EPS8L3: variants seen among roughly 807,000 people sequenced by gnomAD.
The protein encoded by EPS8L3 is epidermal growth factor receptor kinase substrate 8-like protein 3.
Under a neutral mutation model 88.5 loss-of-function variants are expected in EPS8L3, and 80 were observed. The ratio of observed to expected loss-of-function variants is 0.90; its 90% CI spans 0.75 to 1.09. EPS8L3 has a LOEUF of 1.09. EPS8L3 is among the 50% of genes least tolerant of loss of function. The pLI is 0.00. For synonymous variants in EPS8L3, 286 were observed against 291.0 expected, an observed-to-expected ratio of 0.98 and a Z score of 0.18; for missense variants, 721 against 735.2, an observed-to-expected ratio of 0.98 and a Z score of 0.22.
At chr1:109,762,909 G>C (rs1386353486) in intron 1 of EPS8L3, among the ~76,000 whole-genome samples, 1 of 152,220 alleles carries the variant, frequency 6.6e-6, no homozygotes, top group Non-Finnish European at 1.5e-5. Context: ...CATACATGTT[G>C]AAATGGAGTG....
chr1:109,762,006 G>A (rs1233857903), intron 1 of EPS8L3, among the ~76,000 whole-genome samples: 1 of 152,154 alleles, frequency 6.6e-6, no homozygotes, highest in African/African-American at 2.4e-5. Context: ...GGGTCAGGGA[G>A]GCCACAGCAT....
At chr1:109,762,259 C>T (rs891868527) in intron 1 of EPS8L3, among the ~76,000 whole-genome samples, 1 of 152,120 alleles carries the variant, frequency 6.6e-6, no homozygotes, top group African/African-American at 2.4e-5. Context: ...CAGCTGTAGA[C>T]CCTCTGGGAA....
chr1:109,751,023 G>A (rs1438635411), intron 17 of EPS8L3, among the ~76,000 whole-genome samples: 1 of 152,170 alleles, frequency 6.6e-6, no homozygotes, highest in Non-Finnish European at 1.5e-5. Flanking sequence ...GGGGAGGGGC[G>A]GCTAAGCTGG....
chr1:109,759,026 G>A lies in EPS8L3; in HGVS notation c.461+36C>T, dbSNP rs1194381302. ...GGTCTGGCCCCCGAGGCTGAGCTGG[G>A]AGGCCCCATAGGTGGGCTGGGCAGA... On this transcript the variant is annotated intron_variant, in intron 6 of 18. Coordinates refer to ENST00000361965, the MANE Select transcript of EPS8L3 (RefSeq NM_133181.4). This position sits in a 1 kb window ranked among gnomAD's most constrained non-coding sequence, Gnocchi z 4.2. 2 of 1,573,734 alleles carry A rather than the reference G, an allele frequency of 1.3e-6. No individual in the cohort carries two copies. Among genetic ancestry groups the A allele is most frequent in the Non-Finnish European group, 1.7e-6 (2 of 1,158,888 alleles).
chr1:109,762,446 G>A (rs1232156228), intron 1 of EPS8L3, among the ~76,000 whole-genome samples: 1 of 152,036 alleles, frequency 6.6e-6, no homozygotes, highest in Non-Finnish European at 1.5e-5. Flanking sequence ...TCACCCTCTT[G>A]GTGAAGCCCT....
rs1651008494 is a variant in EPS8L3, at chr1:109,761,877, G to A, written c.-24-104C>T. 1.3e-5 allele frequency: 13 copies of A among 1,012,774 alleles called. No individual in the cohort carries two copies. The South Asian group carries it at 1.8e-4, about 14-fold the overall frequency. 62.7% of individuals were successfully genotyped at this position (1,012,774 alleles called of 1,614,324 possible). A position where few individuals can be genotyped will look rare whatever the true frequency, so the allele number is the denominator to read the frequency against. On this transcript the variant is annotated intron_variant, in intron 1 of 18. Transcript: ENST00000361965. The stretch of plus-strand genomic sequence containing the variant: ...TATTGCTCTGACTGGGGGCCTCTGG[G>A]ACCAGACCCAAAGCCCCTGGCTCCA...
rs1650613800 is a variant in EPS8L3 at position 109,759,088 on chromosome 1, C to CTTCTGCAG, written c.427_434dup (p.Lys145AsnfsTer57). 4 of 1,609,782 alleles carry CTTCTGCAG rather than the reference C, an allele frequency of 2.5e-6. No individual in the cohort carries two copies. Among genetic ancestry groups the CTTCTGCAG allele is most frequent in the Non-Finnish European group, 3.4e-6 (4 of 1,178,832 alleles). On this transcript the variant is annotated frameshift_variant, in exon 6 of 19. Coordinates refer to ENST00000361965, the MANE Select transcript of EPS8L3 (RefSeq NM_133181.4). LOFTEE classifies it high-confidence loss of function. This position sits in a 1 kb window ranked among gnomAD's most constrained non-coding sequence, Gnocchi z 4.2. Reference sequence around the variant, plus strand: ...TTTGCTCCAGCTCTTCCTCCAGAGCCTTCTGCAGGCTGGTCTTCAGTCGCT... The same window carrying CTTCTGCAG: ...TTTGCTCCAGCTCTTCCTCCAGAGCCTTCTGCAGTTCTGCAGGCTGGTCTTCAGTCGCT...
At chr1:109,762,369 T>C (rs566491743) in intron 1 of EPS8L3, among the ~76,000 whole-genome samples, 83 of 152,048 alleles carry the variant, frequency 5.5e-4, no homozygotes, top group Non-Finnish European at 9.9e-4. Context: ...GCTCTTTGCT[T>C]TTTGTACTCT....
At position 109,757,171 on chromosome 1, in the gene EPS8L3, G is replaced by GGA; in HGVS notation, c.970-8_970-7dup. On this transcript the variant is annotated splice_polypyrimidine_tract_variant and splice_region_variant and intron_variant, in intron 11 of 18. Coordinates refer to ENST00000361965, the MANE Select transcript of EPS8L3 (RefSeq NM_133181.4). ...TCAGGGCACCTGGCCAGGATCTAGG[G>GGA]GAGAGATGGAAGGTGTCAGGAAGCC... The GGA allele has an allele frequency of 6.2e-7, 1 of 1,603,018 alleles. No homozygotes were observed. The highest frequency in any genetic ancestry group is 8.5e-7 in the Non-Finnish European group (1 of 1,173,786).
intron 12 of EPS8L3, among the ~76,000 whole-genome samples, chr1:109,754,663 A>C (rs1650119483): frequency 6.6e-6 from 1 of 152,232 alleles, no homozygotes; most frequent in African/African-American, 2.4e-5. Context: ...CTGGGTTTTG[A>C]AACACAAAAT....
Position 109,759,054 on chromosome 1 carries a change from C to T in EPS8L3, c.461+8G>A. On this transcript the variant is annotated splice_region_variant and intron_variant, in intron 6 of 18. Transcript: ENST00000361965. The surrounding 1 kb of genome is among the most constrained non-coding windows in gnomAD (Gnocchi z 4.2). ...GCCCCATAGGTGGGCTGGGCAGAGGCTGCCTACCTTTGCTCCAGCTCTTCC... is the reference window on the plus strand; with the variant it reads ...GCCCCATAGGTGGGCTGGGCAGAGGTTGCCTACCTTTGCTCCAGCTCTTCC... The T allele has an allele frequency of 1.3e-6, 2 of 1,595,660 alleles. No individual in the cohort carries two copies. The highest frequency in any genetic ancestry group is 1.7e-6 in the Non-Finnish European group (2 of 1,171,766).
At chr1:109,762,472 C>A (rs1309658834) in intron 1 of EPS8L3, among the ~76,000 whole-genome samples, 1 of 152,138 alleles carries the variant, frequency 6.6e-6, no homozygotes, top group Non-Finnish European at 1.5e-5. Context: ...ACCATCCAAC[C>A]CCACCCTGCC....
At position 109,758,541 on chromosome 1, in the gene EPS8L3, T is replaced by C; in HGVS notation, c.584A>G (p.Gln195Arg). 1 of 1,607,286 alleles carries C rather than the reference T, an allele frequency of 6.2e-7. No homozygotes were observed. Among genetic ancestry groups the C allele is most frequent in the Non-Finnish European group, 8.5e-7 (1 of 1,176,490 alleles). Residue 195 changes from glutamine (Q) to arginine (R), a missense_variant, in exon 7 of 19, where the codon CAG becomes CGG. Physicochemically the swap from Gln to Arg is conservative, Grantham distance 43. Transcript: ENST00000361965. Reference protein sequence around the residue: ...EPGIPPEQPHQRTLEHSLPPS... With the variant: ...EPGIPPEQPHRRTLEHSLPPS... The stretch of plus-strand genomic sequence containing the variant: ...AAACTTACTGTGCTCTAGGGTCCTC[T>C]GGTGGGGCTGTTCTGGAGGGATCCC...
In EPS8L3 at chr1:109,758,647, G is replaced by A. The variant is rs760609555; in HGVS notation, c.478C>T (p.Leu160Phe). Residue 160 changes from leucine (L) to phenylalanine (F), a missense_variant, in exon 7 of 19, where the codon CTT (leucine) becomes TTT (phenylalanine). Coordinates refer to ENST00000361965, the MANE Select transcript of EPS8L3 (RefSeq NM_133181.4). ...ELEQRPRLGGLQPGQDRWRGP... is the reference protein window; with the variant it reads ...ELEQRPRLGGFQPGQDRWRGP... ...CTCCATCTGTCCTGGCCTGGCTGAA[G>A]GCCTCCAAGTCGAGGTCTGCTGAGG... 6 of 1,591,122 alleles carry A rather than the reference G, an allele frequency of 3.8e-6. No homozygotes were observed. Among genetic ancestry groups the A allele is most frequent in the Non-Finnish European group, 2.6e-6 (3 of 1,169,630 alleles).
rs1557996099 is a variant in EPS8L3, at chr1:109,758,051, A to G, written c.725T>C (p.Leu242Pro). The G allele has an allele frequency of 1.2e-5, 19 of 1,613,896 alleles. No individual in the cohort carries two copies. Among genetic ancestry groups the G allele is most frequent in the Non-Finnish European group, 1.6e-5 (19 of 1,179,960 alleles). Reference sequence around the variant, plus strand: ...CTCAATGTCCCTTAGGACATGGTTCAGCACTTCCTGGGCCCCAAACAACCC... The same window carrying G: ...CTCAATGTCCCTTAGGACATGGTTCGGCACTTCCTGGGCCCCAAACAACCC... ...PEDPERDEEV[L>P]NHVLRDIELF... Residue 242 changes from leucine (L) to proline (P), a missense_variant, in exon 9 of 19, where the codon CTG becomes CCG. Physicochemically the swap from Leu to Pro is moderately conservative, Grantham distance 98 (BLOSUM62 -3). Coordinates refer to ENST00000361965, the MANE Select transcript of EPS8L3 (RefSeq NM_133181.4).
In EPS8L3 at chr1:109,757,947, C is replaced by T. The variant is rs1557995742; in HGVS notation, c.829G>A (p.Gly277Arg). 1.9e-6 allele frequency: 3 copies of T among 1,614,172 alleles called. No homozygotes were observed. Among genetic ancestry groups the T allele is most frequent in the Non-Finnish European group, 2.5e-6 (3 of 1,180,010 alleles). ...KKFGKKNKDQ[G>R]GLTQAQYIDC... ...TTCCCTGGCCCTCAGTACTCACCTCCCTGGTCCTTGTTTTTTTTCCCAAAT... is the reference window on the plus strand; with the variant it reads ...TTCCCTGGCCCTCAGTACTCACCTCTCTGGTCCTTGTTTTTTTTCCCAAAT... The change falls in exon 9 of 19, where the codon GGA (glycine) becomes AGA (arginine). Residue 277 changes from glycine to arginine, a missense_variant. Coordinates refer to ENST00000361965, the MANE Select transcript of EPS8L3 (RefSeq NM_133181.4).
At position 109,751,727 on chromosome 1, in the gene EPS8L3, C is replaced by T; in HGVS notation, c.1490G>A (p.Gly497Asp). ...WLVKNEAGRS[G>D]YIPSNILEPL... is the part of the protein sequence containing the mutation. ...CTCCAGGATGTTGCTTGGAATGTAGCCGCTCCGTCCCGCCTCATTCTTCAC... is the reference window on the plus strand; with the variant it reads ...CTCCAGGATGTTGCTTGGAATGTAGTCGCTCCGTCCCGCCTCATTCTTCAC... The change falls in exon 16 of 19, where the codon GGC becomes GAC. Residue 497 changes from glycine (G) to aspartate (D), a missense_variant. Physicochemically the swap from Gly to Asp is moderately conservative, Grantham distance 94. Transcript: ENST00000361965. 1 of 1,613,854 alleles carries T rather than the reference C, an allele frequency of 6.2e-7. No individual in the cohort carries two copies. The highest frequency in any genetic ancestry group is 8.5e-7 in the Non-Finnish European group (1 of 1,179,994).
At chr1:109,757,579 T>G in intron 10 of EPS8L3, 24 bp from the exon 11 acceptor site, 1 of 1,592,170 alleles carries the variant, frequency 6.3e-7, no homozygotes, top group Non-Finnish European at 8.6e-7. Context: ...GCAATGCCTG[T>G]CACCACCCTT....
intron 2 of EPS8L3, 76 bp from the exon 3 acceptor site, chr1:109,761,635 T>A: frequency 6.2e-7 from 1 of 1,604,358 alleles, no homozygotes; most frequent in East Asian, 2.2e-5. Flanking sequence ...TGGGGGCAGT[T>A]GGTGTGAGGA....
Sources: allele counts gnomAD v4.1 joint callset (sites outside exome capture counted in the v4.1 genomes callset), GRCh38; gene constraint gnomAD v4.1.1; non-coding constraint Gnocchi (gnomAD v3.1); transcripts MANE v1.5; gene names NCBI Gene and HGNC (gene_info 2026-07-23, HGNC 2026-07-21).